The following PAK5 variants were observed in gnomAD, a reference collection of about 807,000 sequenced individuals.
The protein encoded by PAK5 is p21 (RAC1) activated kinase 5, also known as serine/threonine-protein kinase PAK 5.
PAK5 carries 16 observed loss-of-function variants against 65.9 expected under a neutral mutation model. The observed-to-expected ratio is 0.24, with a 90% CI of 0.16 to 0.37. PAK5 has a LOEUF of 0.37. Ranked by LOEUF, PAK5 falls within the 10% of genes least tolerant of loss-of-function variation. The pLI is 1.00. For synonymous variants in PAK5, 371 were observed against 354.9 expected (o/e 1.05, Z -0.51); for missense variants, 785 against 903.9 (o/e 0.87, Z 1.69).
chr20:9,681,986 G>T (rs573895471), intron 2 of PAK5, among the ~76,000 whole-genome samples: 1 of 152,132 alleles, frequency 6.6e-6, no homozygotes, highest in Admixed American at 6.5e-5. Context: ...TCTGAAAAGG[G>T]TGTTGTACAA....
At chr20:9,556,765 G>A (rs1297268046) in intron 7 of PAK5, among the ~76,000 whole-genome samples, 1 of 152,144 alleles carries the variant, frequency 6.6e-6, no homozygotes, top group Admixed American at 6.5e-5. Flanking sequence ...GGGCCTAGAG[G>A]TTTGCCAGTG....
At chr20:9,820,969 A>T (rs1487028220) in intron 1 of PAK5, among the ~76,000 whole-genome samples, 1 of 152,036 alleles carries the variant, frequency 6.6e-6, no homozygotes, top group East Asian at 1.9e-4. Flanking sequence ...CTCTCCCCAA[A>T]TTTCTTCTCT....
intron 2 of PAK5, among the ~76,000 whole-genome samples, chr20:9,665,089 T>G (rs958214013): frequency 1.1e-4 from 16 of 140,952 alleles, no homozygotes; most frequent in African/African-American, 4.3e-4. Context: ...TTTTCTGTTT[T>G]TTTTTTTTTT....
chr20:9,685,196 C>T (rs2123415633), intron 2 of PAK5, among the ~76,000 whole-genome samples: 1 of 152,314 alleles, frequency 6.6e-6, no homozygotes, highest in Middle Eastern at 3.4e-3. Flanking sequence ...TATGTCACTT[C>T]AATTTTTGCT....
chr20:9,576,595 AAATT>A (rs1234103532), intron 4 of PAK5, among the ~76,000 whole-genome samples: 1 of 152,218 alleles, frequency 6.6e-6, no homozygotes, highest in Non-Finnish European at 1.5e-5. Context: ...CCTAGTTGTG[AAATT>A]AATTGCTAAT....
Position 9,704,371 on chromosome 20 carries a change from C to T in PAK5, c.-12+6915G>A, listed in dbSNP as rs1464682121. Among the ~76,000 whole-genome samples, 4 of 152,170 alleles carry T rather than the reference C, an allele frequency of 2.6e-5. No homozygotes were observed. In the East Asian group the frequency reaches 7.7e-4, roughly 29 times the overall value. On this transcript the variant is annotated intron_variant, in intron 2 of 9. Transcript: ENST00000353224. ...AAGTAGCCATCTACTTCACAATCTG[C>T]ATAATTATCAGTGCTCTAATAGCCA...
At chr20:9,803,906 G>A (rs1009388204) in intron 1 of PAK5, among the ~76,000 whole-genome samples, 12 of 151,994 alleles carry the variant, frequency 7.9e-5, no homozygotes, top group African/African-American at 2.2e-4. Context: ...TGGAGAAGTT[G>A]GTTTTCTCAG....
At chr20:9,636,890 G>C (rs2046989070) in intron 3 of PAK5, among the ~76,000 whole-genome samples, 1 of 152,088 alleles carries the variant, frequency 6.6e-6, no homozygotes, top group Admixed American at 6.5e-5. Flanking sequence ...CCAAGATAGT[G>C]GTTCTCAAAC....
At chr20:9,726,807 A>G (rs528085836) in intron 1 of PAK5, among the ~76,000 whole-genome samples, 19 of 152,270 alleles carry the variant, frequency 1.2e-4, no homozygotes, top group South Asian at 1.2e-3. Flanking sequence ...CATTCTGCAC[A>G]TGTATCTCAG....
intron 1 of PAK5, among the ~76,000 whole-genome samples, chr20:9,768,790 C>CA (rs35432047): frequency 0.11 from 3,760 of 33,674 alleles, 230 homozygotes; most frequent in Non-Finnish European, 0.14. Flanking sequence ...GACTCCATCG[C>CA]AAAAAAAAAA....
chr20:9,724,058 C>A (rs142044713), intron 1 of PAK5, among the ~76,000 whole-genome samples: 1 of 152,138 alleles, frequency 6.6e-6, no homozygotes, highest in African/African-American at 2.4e-5. Context: ...AGATTGCTTG[C>A]GCATTACAAA....
intron 1 of PAK5, among the ~76,000 whole-genome samples, chr20:9,719,088 A>T (rs1242694256): frequency 6.6e-6 from 1 of 152,178 alleles, no homozygotes; most frequent in Non-Finnish European, 1.5e-5. Context: ...CACTGTTGGA[A>T]TAAGGTATGT....
chr20:9,798,471 C>T (rs573581494), intron 1 of PAK5, among the ~76,000 whole-genome samples: 2 of 152,218 alleles, frequency 1.3e-5, no homozygotes, highest in African/African-American at 4.8e-5. Flanking sequence ...AGGATTCAGA[C>T]ACCAGCTGAT....
intron 2 of PAK5, among the ~76,000 whole-genome samples, chr20:9,668,243 T>C (rs1325702490): frequency 6.6e-6 from 1 of 152,162 alleles, no homozygotes; most frequent in African/African-American, 2.4e-5. Context: ...ACCAAAGTGG[T>C]AATAGAAACC....
chr20:9,829,739 C>T (rs894444359), intron 1 of PAK5, among the ~76,000 whole-genome samples: 1 of 152,096 alleles, frequency 6.6e-6, no homozygotes, highest in African/African-American at 2.4e-5. Context: ...TATTTAAATA[C>T]TATAAATCAA....
intron 2 of PAK5, among the ~76,000 whole-genome samples, chr20:9,658,995 C>T (rs1444990906): frequency 6.6e-6 from 1 of 152,058 alleles, no homozygotes; most frequent in East Asian, 1.9e-4. Flanking sequence ...GCTACATGTC[C>T]CACCAACAGG....
chr20:9,824,308 C>T (rs1387576939), intron 1 of PAK5, among the ~76,000 whole-genome samples: 5 of 152,164 alleles, frequency 3.3e-5, no homozygotes, highest in African/African-American at 1.2e-4. Context: ...AATTCCAGCA[C>T]TTTGGGAGGC....
In PAK5 at chr20:9,538,991, A is replaced by T. The variant is rs761665174; in HGVS notation, c.*471T>A. 5 of 233,972 alleles carry T rather than the reference A, an allele frequency of 2.1e-5. No individual in the cohort carries two copies. Among genetic ancestry groups the T allele is most frequent in the Non-Finnish European group, 3.4e-5 (4 of 118,408 alleles). 14.5% of individuals were successfully genotyped at this position (233,972 alleles called of 1,614,324 possible). On this transcript the variant is annotated 3_prime_UTR_variant, in exon 10 of 10. Coordinates refer to ENST00000353224, the MANE Select transcript of PAK5 (RefSeq NM_177990.4). ...GCTACATGACATCAAAGTACTATAA[A>T]TTATCAAAACTATCGTACAGAAAAA... is the stretch of plus-strand genomic sequence containing the variant.
At chr20:9,765,267 C>G (rs2048744383) in intron 1 of PAK5, among the ~76,000 whole-genome samples, 1 of 151,932 alleles carries the variant, frequency 6.6e-6, no homozygotes, top group African/African-American at 2.4e-5. Context: ...TAAATCTAGC[C>G]TATCCTAATA....
Sources: gnomAD v4.1 joint callset for allele counts (sites outside exome capture counted in the v4.1 genomes callset) on GRCh38, gnomAD v4.1.1 for gene constraint, MANE v1.5 for transcripts, NCBI Gene and HGNC (gene_info 2026-07-23, HGNC 2026-07-21) for gene names.